TBC1D19: variants seen among roughly 807,000 people sequenced by gnomAD.
TBC1D19 encodes TBC1 domain family member 19, also known as TBC1 domain family, member 19.
TBC1D19 carries 60 observed loss-of-function variants against 89.0 expected under a neutral mutation model. That is an observed-to-expected ratio of 0.67 (90% confidence interval 0.55 to 0.84). The LOEUF (loss-of-function observed/expected upper bound fraction) is 0.84. TBC1D19 is among the 40% of genes least tolerant of loss of function. The pLI is 0.00. For synonymous variants in TBC1D19, 189 were observed against 199.7 expected (o/e 0.95, Z 0.45); for missense variants, 500 against 610.8 (o/e 0.82, Z 1.91).
chr4:26,635,503 G>A lies in TBC1D19; in HGVS notation c.295-1708G>A, dbSNP rs535083898. 2.6e-5 allele frequency among the ~76,000 whole-genome samples: 4 copies of A among 152,072 alleles called. No individual in the cohort carries two copies. In the South Asian group the frequency reaches 6.2e-4, roughly 24 times the overall value. ...GGAGCTATTTCATGTAATGTATTGA[G>A]TATGCTTTTATTCTTGAAAATCTAT... On this transcript the variant is annotated intron_variant, in intron 4 of 20. Coordinates refer to ENST00000264866, the MANE Select transcript of TBC1D19 (RefSeq NM_018317.4).
intron 13 of TBC1D19, among the ~76,000 whole-genome samples, chr4:26,691,978 T>A (rs910527378): frequency 6.6e-6 from 1 of 152,184 alleles, no homozygotes; most frequent in Admixed American, 6.5e-5. Context: ...TTAAAGTCTC[T>A]GGTAATTATC....
At chr4:26,694,075 A>G (rs558765775) in intron 13 of TBC1D19, among the ~76,000 whole-genome samples, 124 of 152,180 alleles carry the variant, frequency 8.1e-4, no homozygotes, top group African/African-American at 3.0e-3. Flanking sequence ...CAGCCCACCG[A>G]GTGTGAGCCG....
chr4:26,825,367 G>T, the TBC1D19 span, among the ~76,000 whole-genome samples: 1 of 152,138 alleles, frequency 6.6e-6, no homozygotes, highest in Non-Finnish European at 1.5e-5. Context: ...AAAGTGCTGG[G>T]ATTACAGGCA....
Position 26,620,667 on chromosome 4 carries a change from G to C in TBC1D19, c.273G>C (p.Leu91Phe). Reference sequence around the variant, plus strand: ...CTCCTGAACATCTTAAAGAACCTTTGGTATACATGAGGAAAGCACAGGTTG... The same window carrying C: ...CTCCTGAACATCTTAAAGAACCTTTCGTATACATGAGGAAAGCACAGGTTG... Reference protein sequence around the residue: ...AAPPEHLKEPLVYMRKAQGSW... With the variant: ...AAPPEHLKEPFVYMRKAQGSW... The change falls in exon 4 of 21, where the codon TTG (leucine) becomes TTC (phenylalanine). Residue 91 changes from leucine to phenylalanine, a missense_variant. By Grantham distance (22) the Leu-to-Phe change is conservative. This residue lies in a region of TBC1D19 where 280 missense variants were observed against 291.7 expected (regional missense o/e 0.96). Coordinates refer to ENST00000264866, the MANE Select transcript of TBC1D19 (RefSeq NM_018317.4). 1.2e-6 allele frequency: 2 copies of C among 1,613,362 alleles called. No individual in the cohort carries two copies.
chr4:26,734,955 T>C (rs529091308), intron 15 of TBC1D19, among the ~76,000 whole-genome samples: 5 of 59,290 alleles, frequency 8.4e-5, no homozygotes, highest in African/African-American at 1.8e-4. Context: ...TATACACATA[T>C]GTATATGTAT....
intron 13 of TBC1D19, among the ~76,000 whole-genome samples, chr4:26,703,162 T>C (rs1271927634): frequency 2.6e-5 from 4 of 152,198 alleles, no homozygotes; most frequent in African/African-American, 7.2e-5. Context: ...AATTACAACA[T>C]CTAAGCATCT....
chr4:26,681,064 A>T (rs1315413823), intron 11 of TBC1D19, among the ~76,000 whole-genome samples: 1 of 152,246 alleles, frequency 6.6e-6, no homozygotes. Flanking sequence ...TATATGAAAG[A>T]TTCTTCAACT....
intron 19 of TBC1D19, among the ~76,000 whole-genome samples, chr4:26,752,797 A>G (rs75049093): frequency 0.024 from 3,699 of 152,188 alleles, 114 homozygotes; most frequent in African/African-American, 0.07. Flanking sequence ...CCATGTGCGT[A>G]TGTTTAATGG....
At chr4:26,662,160 G>A (rs1474323803) in intron 8 of TBC1D19, among the ~76,000 whole-genome samples, 1 of 152,140 alleles carries the variant, frequency 6.6e-6, no homozygotes, top group Non-Finnish European at 1.5e-5. Flanking sequence ...ATGGGAGAAG[G>A]TAAACCCAAT....
At chr4:26,807,669 G>A in the TBC1D19 span, among the ~76,000 whole-genome samples, 17 of 152,146 alleles carry the variant, frequency 1.1e-4, no homozygotes, top group East Asian at 7.7e-4. Context: ...GCCCAGGCAC[G>A]AAAGCACCCA....
At chr4:26,799,039 A>G in the TBC1D19 span, among the ~76,000 whole-genome samples, 1 of 152,210 alleles carries the variant, frequency 6.6e-6, no homozygotes. Flanking sequence ...TGAAATAAAA[A>G]TAAAGAGGAA....
chr4:26,737,806 C>T (rs554439276), intron 16 of TBC1D19, among the ~76,000 whole-genome samples: 1 of 152,112 alleles, frequency 6.6e-6, no homozygotes, highest in African/African-American at 2.4e-5. Context: ...AATTATAATA[C>T]TTATCTCTTT....
At chr4:26,691,637 G>C (rs1351148298) in intron 13 of TBC1D19, among the ~76,000 whole-genome samples, 1 of 151,674 alleles carries the variant, frequency 6.6e-6, no homozygotes, top group Non-Finnish European at 1.5e-5. Flanking sequence ...TATATTTTTG[G>C]GCATATGCTA....
At chr4:26,663,838 G>A (rs1277647607) in intron 8 of TBC1D19, among the ~76,000 whole-genome samples, 2 of 152,176 alleles carry the variant, frequency 1.3e-5, no homozygotes, top group Non-Finnish European at 2.9e-5. Context: ...AGTGAGTCCT[G>A]TGATCCTGTA....
At chr4:26,590,820 T>G (rs1399042800) in intron 1 of TBC1D19, among the ~76,000 whole-genome samples, 1 of 133,758 alleles carries the variant, frequency 7.5e-6, no homozygotes, top group African/African-American at 2.7e-5. Context: ...TTTTTTTTTT[T>G]TTTTTTTGTG....
chr4:26,759,457 A>G (rs1719388292), downstream of TBC1D19, among the ~76,000 whole-genome samples: 1 of 152,216 alleles, frequency 6.6e-6, no homozygotes, highest in African/African-American at 2.4e-5. Context: ...AGTATAATTT[A>G]TGTACAATAA....
chr4:26,609,856 C>T (rs1741251169), intron 1 of TBC1D19, among the ~76,000 whole-genome samples: 2 of 152,066 alleles, frequency 1.3e-5, no homozygotes, highest in South Asian at 4.1e-4. Context: ...AACTTAGGTT[C>T]TAGGCACTTG....
At chr4:26,854,725 C>T in the TBC1D19 span, among the ~76,000 whole-genome samples, 9 of 103,566 alleles carry the variant, frequency 8.7e-5, no homozygotes, top group Non-Finnish European at 1.7e-4. Context: ...GAATCTCCAG[C>T]CTTTTTTTTT....
the TBC1D19 span, among the ~76,000 whole-genome samples, chr4:26,834,387 T>C: frequency 1.3e-5 from 2 of 152,182 alleles, no homozygotes; most frequent in African/African-American, 4.8e-5. Flanking sequence ...ATTCAACAAA[T>C]ATTCATTCAT....
Sources: gnomAD v4.1 joint callset for allele counts (sites outside exome capture counted in the v4.1 genomes callset) on GRCh38, gnomAD v4.1.1 for gene constraint, gnomAD v4.1.1 regional missense constraint, MANE v1.5 for transcripts, NCBI Gene and HGNC (gene_info 2026-07-23, HGNC 2026-07-21) for gene names.